The following VTI1A variants were observed in gnomAD, a reference collection of about 807,000 sequenced individuals.
VTI1A encodes vesicle transport through interaction with t-SNAREs 1A.
VTI1A carries 22 observed loss-of-function variants against 34.9 expected under a neutral mutation model. The ratio of observed to expected loss-of-function variants is 0.63; its 90% confidence interval spans 0.45 to 0.90. The LOEUF is 0.90. VTI1A is among the 40% of genes least tolerant of loss of function. The pLI is 0.00. For synonymous variants in VTI1A, 87 were observed against 97.3 expected (o/e 0.89, Z 0.62); for missense variants, 268 against 275.6 (o/e 0.97, Z 0.20).
intron 5 of VTI1A, among the ~76,000 whole-genome samples, chr10:112,619,503 T>C (rs1368653639): frequency 6.6e-6 from 1 of 152,204 alleles, no homozygotes; most frequent in Non-Finnish European, 1.5e-5. Context: ...AACTATTTGC[T>C]GCCTCCACCT....
intron 5 of VTI1A, among the ~76,000 whole-genome samples, chr10:112,649,236 A>G: frequency 6.6e-6 from 1 of 152,174 alleles, no homozygotes; most frequent in Admixed American, 6.5e-5. Context: ...ATTCGTATTC[A>G]AAGAGTGCTC....
At chr10:112,484,264 A>G (rs1362097923) in intron 3 of VTI1A, among the ~76,000 whole-genome samples, 2 of 152,218 alleles carry the variant, frequency 1.3e-5, no homozygotes, top group African/African-American at 4.8e-5. Flanking sequence ...CATGCTTTCT[A>G]AGGTCAGTAA....
chr10:112,609,455 G>C (rs1331699792), intron 5 of VTI1A, among the ~76,000 whole-genome samples: 1 of 152,202 alleles, frequency 6.6e-6, no homozygotes, highest in Non-Finnish European at 1.5e-5. Context: ...TGTAAACTCT[G>C]TGACGACAGG....
chr10:112,698,025 A>G (rs1343175280), intron 7 of VTI1A, among the ~76,000 whole-genome samples: 2 of 152,070 alleles, frequency 1.3e-5, no homozygotes, highest in Non-Finnish European at 2.9e-5. Context: ...AAGCAAATCT[A>G]TTTGCTTTGG....
chr10:112,633,236 G>C (rs1422942605), intron 5 of VTI1A, among the ~76,000 whole-genome samples: 2 of 152,170 alleles, frequency 1.3e-5, no homozygotes, highest in African/African-American at 2.4e-5. Context: ...CACATAGTGG[G>C]TCATAGAGAA....
intron 5 of VTI1A, among the ~76,000 whole-genome samples, chr10:112,625,275 TA>T (rs1402079276): frequency 2.0e-5 from 3 of 152,020 alleles, no homozygotes; most frequent in African/African-American, 7.2e-5. Flanking sequence ...AAGCATCAGG[TA>T]TATGCAAAGG....
At chr10:112,780,624 C>T (rs1590178034) in intron 7 of VTI1A, among the ~76,000 whole-genome samples, 1 of 152,094 alleles carries the variant, frequency 6.6e-6, no homozygotes, top group East Asian at 1.9e-4. Context: ...TCTGATTTAA[C>T]CCGTGTGTTA....
At chr10:112,848,264 G>T in the VTI1A span, among the ~76,000 whole-genome samples, 4 of 152,206 alleles carry the variant, frequency 2.6e-5, no homozygotes, top group African/African-American at 9.7e-5. Context: ...GTGGCCAGGT[G>T]TAATTAATTA....
chr10:112,603,406 A>G (rs1844954716), intron 5 of VTI1A, among the ~76,000 whole-genome samples: 1 of 152,208 alleles, frequency 6.6e-6, no homozygotes, highest in South Asian at 2.1e-4. Flanking sequence ...TTAGTTTTTC[A>G]ATAACATTCA....
chr10:112,706,269 A>T (rs1411861644), intron 7 of VTI1A, among the ~76,000 whole-genome samples: 1 of 152,192 alleles, frequency 6.6e-6, no homozygotes, highest in Non-Finnish European at 1.5e-5. Context: ...AAACCTCAGC[A>T]GTGGAGGGCA....
the VTI1A span, chr10:112,831,656 A>T: frequency 6.6e-6 from 1 of 152,220 alleles, no homozygotes; most frequent in Non-Finnish European, 1.5e-5. Context: ...TCAAATTTCA[A>T]GGATTTTGAT....
At chr10:112,653,255 C>T (rs1847104145) in intron 5 of VTI1A, among the ~76,000 whole-genome samples, 1 of 152,134 alleles carries the variant, frequency 6.6e-6, no homozygotes, top group Non-Finnish European at 1.5e-5. Context: ...CCTTATGTTC[C>T]CTGCCTCCAG....
chr10:112,531,061 C>CCACACACACA (rs748909123), intron 4 of VTI1A, among the ~76,000 whole-genome samples: 1,189 of 90,276 alleles, frequency 0.013, 17 homozygotes, highest in Admixed American at 0.033. Flanking sequence ...ACGTGACACA[C>CCACACACACA]CTCACACACA....
intron 5 of VTI1A, among the ~76,000 whole-genome samples, chr10:112,552,822 T>C (rs1851409035): frequency 6.6e-6 from 1 of 152,222 alleles, no homozygotes; most frequent in Non-Finnish European, 1.5e-5. Flanking sequence ...ATTCATACTG[T>C]TGTGAGAACA....
At position 112,675,610 on chromosome 10, in the gene VTI1A, G is replaced by A. The variant is rs150226409; in HGVS notation, c.560+6612G>A. ...AGACTGTGTGGCATTAACCAGAACC[G>A]AGAAATAACAACACCGTGCAGCAGA... On this transcript the variant is annotated intron_variant, in intron 7 of 7. Coordinates refer to ENST00000393077, the MANE Select transcript of VTI1A (RefSeq NM_145206.4). 4.2e-3 allele frequency among the ~76,000 whole-genome samples: 634 copies of A among 152,302 alleles called. 4 individuals carry two copies. The highest frequency in any genetic ancestry group is 6.4e-3 in the Non-Finnish European group (436 of 68,016).
At chr10:112,727,832 A>G (rs1219021926) in intron 7 of VTI1A, among the ~76,000 whole-genome samples, 1 of 151,970 alleles carries the variant, frequency 6.6e-6, no homozygotes, top group Non-Finnish European at 1.5e-5. Context: ...CCTTTATGTC[A>G]TCTCTTTCTG....
chr10:112,602,995 T>C (rs1409006006), intron 5 of VTI1A, among the ~76,000 whole-genome samples: 1 of 152,236 alleles, frequency 6.6e-6, no homozygotes, highest in Non-Finnish European at 1.5e-5. Context: ...CTGTGTCACC[T>C]AGTTATCTGT....
At chr10:112,501,274 G>T (rs542989368) in intron 3 of VTI1A, among the ~76,000 whole-genome samples, 16 of 152,070 alleles carry the variant, frequency 1.1e-4, no homozygotes, top group Middle Eastern at 3.4e-3. Flanking sequence ...AAAACTTCAT[G>T]GCTTTATTAA....
At chr10:112,606,101 C>T (rs1564845736) in intron 5 of VTI1A, among the ~76,000 whole-genome samples, 2 of 151,116 alleles carry the variant, frequency 1.3e-5, no homozygotes, top group African/African-American at 4.9e-5. Context: ...CTCGGCTCAC[C>T]ACAACCTCCT....
Sources: gnomAD v4.1 joint callset for allele counts (sites outside exome capture counted in the v4.1 genomes callset) on GRCh38, gnomAD v4.1.1 for gene constraint, MANE v1.5 for transcripts, NCBI Gene and HGNC (gene_info 2026-07-23, HGNC 2026-07-21) for gene names.